CHD9: variants seen among roughly 807,000 people sequenced by gnomAD.
The protein encoded by CHD9 is chromodomain helicase DNA binding protein 9, also known as ATP-dependent chromatin remodeler CHD9.
A neutral mutation model predicts 316.1 loss-of-function variants in CHD9; 77 were observed. The ratio of observed to expected loss-of-function variants is 0.24; its 90% CI spans 0.20 to 0.29. CHD9 has a LOEUF of 0.29. CHD9 is among the 10% of genes least tolerant of loss of function. The pLI, the probability that CHD9 is intolerant of heterozygous loss-of-function variation, is 1.00. For synonymous variants in CHD9, 1,129 were observed against 1,158.3 expected, an observed-to-expected ratio of 0.97 and a Z score of 0.51; for missense variants, 2,763 against 3,438.1, an observed-to-expected ratio of 0.80 and a Z score of 4.91.
chr16:53,215,994 G>C (rs759140301), intron 3 of CHD9, among the ~76,000 whole-genome samples: 3 of 152,128 alleles, frequency 2.0e-5, no homozygotes, highest in Non-Finnish European at 4.4e-5. Context: ...TTCCTTGCCT[G>C]AGTATCTGTT....
intron 1 of CHD9, among the ~76,000 whole-genome samples, chr16:53,080,709 T>C (rs2034945306): frequency 6.6e-6 from 1 of 152,190 alleles, no homozygotes; most frequent in African/African-American, 2.4e-5. Context: ...AAACAGCTTT[T>C]TCCAGTCTGG....
At chr16:53,255,136 C>A (rs906888886) in intron 18 of CHD9, among the ~76,000 whole-genome samples, 1 of 151,952 alleles carries the variant, frequency 6.6e-6, no homozygotes, top group East Asian at 1.9e-4. Flanking sequence ...CATGGCAAGA[C>A]CCTGTCTCTA....
intron 2 of CHD9, among the ~76,000 whole-genome samples, chr16:53,165,262 GT>G (rs1319320303): frequency 2.6e-5 from 4 of 152,068 alleles, no homozygotes; most frequent in African/African-American, 7.2e-5. Context: ...GTAATTTTAG[GT>G]TTTATTATAG....
chr16:53,324,319 C>T lies in CHD9; in HGVS notation c.8118C>T (p.Asn2706=). ...TTCCTTCTGGAGGAGAAGCTAAAAA[C>T]ATGGCTGCTATGTTCCCCATGCTGC... The part of the protein sequence containing the change: ...TGLPSGGEAK[N]MAAMFPMLLS... The change falls in exon 39 of 39, where the codon AAC becomes AAT. Residue 2706 remains asparagine (N), a synonymous_variant. Coordinates refer to ENST00000447540, the MANE Select transcript of CHD9 (RefSeq NM_001308319.2). The T allele has an allele frequency of 6.2e-7, 1 of 1,613,986 alleles. No homozygotes were observed. The highest frequency in any genetic ancestry group is 8.5e-7 in the Non-Finnish European group (1 of 1,179,852).
intron 1 of CHD9, among the ~76,000 whole-genome samples, chr16:53,143,078 A>T (rs1248600128): frequency 6.6e-6 from 1 of 152,156 alleles, no homozygotes; most frequent in Non-Finnish European, 1.5e-5. Flanking sequence ...TAATCCATTC[A>T]TGAGGGCAGA....
chr16:53,305,125 G>A (rs996520863), intron 31 of CHD9, among the ~76,000 whole-genome samples: 10 of 151,292 alleles, frequency 6.6e-5, no homozygotes, highest in Admixed American at 2.0e-4. Flanking sequence ...GCAATGGCAC[G>A]ATCTCAGCTC....
chr16:53,083,929 A>T lies in CHD9; in HGVS notation c.-165+28852A>T, dbSNP rs568458523. Among the ~76,000 whole-genome samples, 4 of 151,168 alleles carry T rather than the reference A, an allele frequency of 2.6e-5. No individual in the cohort carries two copies. In the South Asian group the frequency reaches 6.3e-4, roughly 24 times the overall value. ...CTATGCCCAACTAATTTTTTTTTTT[A>T]ATTGAGATAGGGTCTCACTTTGTTG... On this transcript the variant is annotated intron_variant, in intron 1 of 38. Coordinates refer to ENST00000447540, the MANE Select transcript of CHD9 (RefSeq NM_001308319.2).
chr16:53,171,847 C>G (rs192621587), intron 2 of CHD9, among the ~76,000 whole-genome samples: 112 of 74,768 alleles, frequency 1.5e-3, no homozygotes, highest in Middle Eastern at 0.014. Context: ...CACACACACA[C>G]ACACACACAC....
chr16:53,222,403 A>G (rs1192240116), intron 3 of CHD9, among the ~76,000 whole-genome samples: 1 of 152,154 alleles, frequency 6.6e-6, no homozygotes, highest in Non-Finnish European at 1.5e-5. Flanking sequence ...TTAGAAGTAC[A>G]TTAATTGTAC....
chr16:53,204,023 C>CAAAAAAAAA (rs530552464), intron 2 of CHD9, among the ~76,000 whole-genome samples: 2 of 48,340 alleles, frequency 4.1e-5, no homozygotes, highest in African/African-American at 1.7e-4. Flanking sequence ...GACTCCATCT[C>CAAAAAAAAA]AAAAAAAAAA....
intron 24 of CHD9, among the ~76,000 whole-genome samples, chr16:53,276,272 T>A (rs577363972): frequency 3.7e-4 from 56 of 152,212 alleles, no homozygotes; most frequent in Non-Finnish European, 6.8e-4. Flanking sequence ...TCCCTGCACC[T>A]AAGTAGCTGA....
chr16:53,319,192 CAA>C (rs1018779102), intron 37 of CHD9, among the ~76,000 whole-genome samples: 2 of 152,076 alleles, frequency 1.3e-5, no homozygotes, highest in Non-Finnish European at 2.9e-5. Flanking sequence ...GAGCAAGCAA[CAA>C]AATAATTAGG....
chr16:53,150,833 A>G (rs73599568), intron 1 of CHD9, among the ~76,000 whole-genome samples: 4,931 of 152,250 alleles, frequency 0.032, 98 homozygotes, highest in Middle Eastern at 0.071. Context: ...CTGATGAGAA[A>G]TCCACTTGTA....
chr16:53,151,730 A>G (rs992680952), intron 1 of CHD9, among the ~76,000 whole-genome samples: 1 of 152,020 alleles, frequency 6.6e-6, no homozygotes, highest in Non-Finnish European at 1.5e-5. Flanking sequence ...TAGAATTTCT[A>G]TTTTGTTACT....
chr16:53,074,219 T>G (rs2034335002), intron 1 of CHD9, among the ~76,000 whole-genome samples: 1 of 152,152 alleles, frequency 6.6e-6, no homozygotes, highest in African/African-American at 2.4e-5. Context: ...AGAGATGATT[T>G]AGGGTATCTG....
At chr16:53,137,982 G>A (rs2039843047) in intron 1 of CHD9, among the ~76,000 whole-genome samples, 2 of 152,126 alleles carry the variant, frequency 1.3e-5, no homozygotes, top group Non-Finnish European at 2.9e-5. Context: ...ATACTTGATA[G>A]CTATTAGGTG....
At chr16:53,217,984 G>A (rs1343686533) in intron 3 of CHD9, among the ~76,000 whole-genome samples, 2 of 146,054 alleles carry the variant, frequency 1.4e-5, no homozygotes, top group African/African-American at 2.5e-5. Context: ...GAATTACTGG[G>A]GTTTTTTAAA....
chr16:53,285,554 A>T, intron 24 of CHD9, 42 bp from the exon 25 acceptor site: 1 of 1,344,788 alleles, frequency 7.4e-7, no homozygotes, highest in Admixed American at 2.0e-5. Flanking sequence ...TTTTTGACTC[A>T]TTTATAATAA....
At chr16:53,132,679 C>T (rs1243806186) in intron 1 of CHD9, among the ~76,000 whole-genome samples, 1 of 151,772 alleles carries the variant, frequency 6.6e-6, no homozygotes, top group African/African-American at 2.4e-5. Context: ...CAACAGGCCA[C>T]ATGGAGCCTT....
Sources: gnomAD v4.1 joint callset for allele counts (sites outside exome capture counted in the v4.1 genomes callset) on GRCh38, gnomAD v4.1.1 for gene constraint, MANE v1.5 for transcripts, NCBI Gene and HGNC (gene_info 2026-07-23, HGNC 2026-07-21) for gene names.